DYM: variants seen among roughly 807,000 people sequenced by gnomAD.
DYM encodes dymeclin, also known as dyggve-Melchior-Clausen syndrome protein.
In DYM, 78 loss-of-function variants were observed where a neutral mutation model predicts 93.1. The ratio of observed to expected loss-of-function variants is 0.84; its 90% CI spans 0.70 to 1.01. The LOEUF (loss-of-function observed/expected upper bound fraction) is 1.01. Ranked by LOEUF, DYM falls within the 50% of genes least tolerant of loss-of-function variation. The pLI is 0.00. For synonymous variants in DYM, 321 were observed against 319.7 expected (o/e 1.00, Z -0.04); for missense variants, 789 against 845.0 (o/e 0.93, Z 0.82).
chr18:49,315,027 C>A (rs936289150), intron 8 of DYM, among the ~76,000 whole-genome samples: 3 of 152,010 alleles, frequency 2.0e-5, no homozygotes, highest in Admixed American at 6.6e-5. Context: ...CCAGCCTGGG[C>A]AACATGGCAA....
chr18:49,148,014 T>TA (rs1194198847), intron 15 of DYM, among the ~76,000 whole-genome samples: 5 of 152,062 alleles, frequency 3.3e-5, no homozygotes, highest in Non-Finnish European at 5.9e-5. Flanking sequence ...TCTGCAGCCA[T>TA]AAAAAAGGAT....
chr18:49,286,600 G>C lies in DYM; in HGVS notation c.780C>G (p.Val260=), dbSNP rs765774483. 1 of 1,613,950 alleles carries C rather than the reference G, an allele frequency of 6.2e-7. No homozygotes were observed. Among genetic ancestry groups the C allele is most frequent in the Non-Finnish European group, 8.5e-7 (1 of 1,179,950 alleles). Residue 260 remains valine, a synonymous_variant, in exon 9 of 18, where the codon GTC becomes GTG. Coordinates refer to ENST00000675505, the MANE Select transcript of DYM (RefSeq NM_001353214.3). ...TGCTGCCCACACCACCTAGTGTGAA[G>C]ACAGTCCAGAGTCCTGCTGGGGAGG... is the stretch of plus-strand genomic sequence containing the variant. The part of the protein sequence containing the change: ...ASGVATGLWT[V]FTLGGVGSKA...
At chr18:49,281,415 A>G (rs1204560920) in intron 10 of DYM, among the ~76,000 whole-genome samples, 2 of 152,204 alleles carry the variant, frequency 1.3e-5, no homozygotes, top group African/African-American at 4.8e-5. Context: ...GGGATCTAGA[A>G]CTAGAAATAC....
At chr18:49,088,477 G>A (rs546842428) in intron 17 of DYM, among the ~76,000 whole-genome samples, 2 of 151,370 alleles carry the variant, frequency 1.3e-5, no homozygotes, top group Admixed American at 6.6e-5. Context: ...AAGTTAATGG[G>A]TGCAGCACAC....
chr18:49,426,427 A>G (rs2074295631), intron 2 of DYM, among the ~76,000 whole-genome samples: 1 of 150,516 alleles, frequency 6.6e-6, no homozygotes, highest in African/African-American at 2.4e-5. Flanking sequence ...GGATAGCATT[A>G]GGAGATATAC....
chr18:49,178,316 A>G (rs2089594617), intron 14 of DYM, among the ~76,000 whole-genome samples: 2 of 152,158 alleles, frequency 1.3e-5, no homozygotes, highest in South Asian at 2.1e-4. Flanking sequence ...CCTCAACATC[A>G]AAGAAGGAGC....
chr18:49,290,269 G>T (rs932311941), intron 8 of DYM, among the ~76,000 whole-genome samples: 2 of 151,240 alleles, frequency 1.3e-5, no homozygotes, highest in African/African-American at 4.9e-5. Context: ...TACCAACAAG[G>T]AAATACCGTT....
intron 13 of DYM, among the ~76,000 whole-genome samples, chr18:49,243,889 G>A (rs2144777287): frequency 6.6e-6 from 1 of 152,138 alleles, no homozygotes; most frequent in African/African-American, 2.4e-5. Flanking sequence ...ATATACTTCT[G>A]AATTTCCAGG....
At chr18:49,430,702 C>T (rs1234396605) in intron 1 of DYM, among the ~76,000 whole-genome samples, 1 of 151,848 alleles carries the variant, frequency 6.6e-6, no homozygotes, top group Admixed American at 6.6e-5. Context: ...CTGGCCAACA[C>T]GGTGAAACCC....
chr18:49,072,028 A>G (rs1029140690), intron 17 of DYM, among the ~76,000 whole-genome samples: 1 of 152,206 alleles, frequency 6.6e-6, no homozygotes, highest in African/African-American at 2.4e-5. Context: ...CTGGCCTACA[A>G]CAGAATGCCC....
At chr18:49,441,294 TA>T (rs1568454965) in intron 1 of DYM, among the ~76,000 whole-genome samples, 42 of 49,830 alleles carry the variant, frequency 8.4e-4, no homozygotes, top group Non-Finnish European at 1.2e-3. Flanking sequence ...TTATATATAA[TA>T]TAATTATATA....
At chr18:49,459,099 A>C (rs186735380) in intron 1 of DYM, among the ~76,000 whole-genome samples, 1 of 152,328 alleles carries the variant, frequency 6.6e-6, no homozygotes, top group East Asian at 1.9e-4. Flanking sequence ...TCCTTGACCT[A>C]TATGTCGTAA....
chr18:49,379,581 C>A, intron 4 of DYM, 84 bp downstream of exon 4: 3 of 1,176,538 alleles, frequency 2.5e-6, no homozygotes, highest in African/African-American at 1.5e-5. Flanking sequence ...TTTCAAAAGA[C>A]CACAGTCCAT....
intron 6 of DYM, among the ~76,000 whole-genome samples, chr18:49,362,732 A>C (rs2066142392): frequency 6.6e-6 from 1 of 152,206 alleles, no homozygotes; most frequent in African/African-American, 2.4e-5. Context: ...GACTATGCCT[A>C]GCTTCAAAGA....
In DYM at chr18:49,138,122, A is replaced by C. The variant is rs552327974; in HGVS notation, c.1729-19196T>G. ...TTTTTTATGTATGTGATTTATATATAAGAAACATGCCGTGCCATGATCTGA... is the reference window on the plus strand; with the variant it reads ...TTTTTTATGTATGTGATTTATATATCAGAAACATGCCGTGCCATGATCTGA... On this transcript the variant is annotated intron_variant, in intron 15 of 17. Transcript: ENST00000675505. Among the ~76,000 whole-genome samples, 4 of 152,322 alleles carry C rather than the reference A, an allele frequency of 2.6e-5. No homozygotes were observed. The South Asian group carries it at 6.2e-4, about 24-fold the overall frequency.
At chr18:49,229,258 T>C (rs1228596962) in intron 13 of DYM, among the ~76,000 whole-genome samples, 1 of 152,040 alleles carries the variant, frequency 6.6e-6, no homozygotes, top group Non-Finnish European at 1.5e-5. Context: ...AGTACTGTGG[T>C]CTATAAACAA....
At chr18:49,413,557 T>C (rs2072546224) in intron 2 of DYM, among the ~76,000 whole-genome samples, 2 of 152,146 alleles carry the variant, frequency 1.3e-5, no homozygotes. Context: ...AAGTGACAAG[T>C]GGAAACTAAC....
intron 1 of DYM, among the ~76,000 whole-genome samples, chr18:49,434,749 T>G (rs1234104782): frequency 6.6e-6 from 1 of 151,780 alleles, no homozygotes; most frequent in African/African-American, 2.4e-5. Context: ...GAGGATCACT[T>G]GAGGACAGGG....
In DYM at chr18:49,333,721, A is replaced by C. The variant is rs774432190; in HGVS notation, c.620+7T>G. The C allele has an allele frequency of 3.7e-6, 6 of 1,613,746 alleles. No homozygotes were observed. In the South Asian group the frequency reaches 5.5e-5, roughly 15 times the overall value. Reference sequence around the variant, plus strand: ...AAAAACTAGACATACTTAAAGTAGAAACATACCATGGACCTCGCATCAAAT... The same window carrying C: ...AAAAACTAGACATACTTAAAGTAGACACATACCATGGACCTCGCATCAAAT... On this transcript the variant is annotated splice_region_variant and intron_variant, in intron 7 of 17. Transcript: ENST00000675505.
Sources: gnomAD v4.1 joint callset for allele counts (sites outside exome capture counted in the v4.1 genomes callset) on GRCh38, gnomAD v4.1.1 for gene constraint, MANE v1.5 for transcripts, NCBI Gene and HGNC (gene_info 2026-07-23, HGNC 2026-07-21) for gene names.